The following SGCZ variants were observed in gnomAD, a reference collection of about 807,000 sequenced individuals.
SGCZ encodes the protein sarcoglycan zeta.
A neutral mutation model predicts 41.3 loss-of-function variants in SGCZ; 40 were observed. That is an observed-to-expected ratio of 0.97 (90% CI 0.75 to 1.26). The LOEUF (loss-of-function observed/expected upper bound fraction) is 1.26. Among genes scored for constraint, SGCZ ranks in the 50% most tolerant of loss-of-function variants. The probability of loss-of-function intolerance (pLI) is 0.00; values close to 1 mark genes in which losing one functional copy is unlikely to be tolerated. For synonymous variants in SGCZ, 206 were observed against 137.5 expected (o/e 1.50, Z -3.49); for missense variants, 552 against 369.8 (o/e 1.49, Z -4.04).
intron 1 of SGCZ, among the ~76,000 whole-genome samples, chr8:14,885,991 A>G (rs1199675035): frequency 2.7e-5 from 1 of 37,114 alleles, no homozygotes; most frequent in African/African-American, 9.6e-5. Flanking sequence ...TATGTTATAT[A>G]TATATATATA....
intron 1 of SGCZ, among the ~76,000 whole-genome samples, chr8:15,029,300 T>C (rs1334490552): frequency 2.0e-5 from 3 of 152,042 alleles, no homozygotes; most frequent in African/African-American, 7.2e-5. Flanking sequence ...ATTTTATATA[T>C]AGAAAAAAAC....
At chr8:14,143,213 C>T (rs75274569) in intron 5 of SGCZ, among the ~76,000 whole-genome samples, 38 of 152,198 alleles carry the variant, frequency 2.5e-4, no homozygotes, top group African/African-American at 7.7e-4. Context: ...AAACATTGTA[C>T]GTAATGATGA....
chr8:14,108,045 ATTTAT>A (rs1802259823), intron 6 of SGCZ, 113 bp downstream of exon 6: 1 of 784,876 alleles, frequency 1.3e-6, no homozygotes, highest in South Asian at 2.1e-5. Context: ...TCATTTTTGT[ATTTAT>A]TTTAAGTATA....
At chr8:14,971,375 T>C (rs553469827) in intron 1 of SGCZ, among the ~76,000 whole-genome samples, 1 of 152,268 alleles carries the variant, frequency 6.6e-6, no homozygotes, top group Admixed American at 6.5e-5. Flanking sequence ...GCATTACGTC[T>C]TTCATCTTTA....
chr8:14,610,573 A>G (rs1232650152), intron 1 of SGCZ, among the ~76,000 whole-genome samples: 1 of 152,076 alleles, frequency 6.6e-6, no homozygotes, highest in Non-Finnish European at 1.5e-5. Flanking sequence ...TTCTCCTATT[A>G]ATCTATCTGA....
chr8:14,402,041 A>C (rs1471296856), intron 2 of SGCZ, among the ~76,000 whole-genome samples: 1 of 152,152 alleles, frequency 6.6e-6, no homozygotes, highest in Non-Finnish European at 1.5e-5. Flanking sequence ...ATGGCCATGG[A>C]TGATGAGCAT....
chr8:14,392,477 C>T (rs377278630), intron 2 of SGCZ, among the ~76,000 whole-genome samples: 22 of 152,052 alleles, frequency 1.4e-4, no homozygotes, highest in African/African-American at 2.9e-4. Context: ...AGTAGAAATA[C>T]GGTATTTGCT....
chr8:14,096,483 G>A (rs1184071545), intron 7 of SGCZ, among the ~76,000 whole-genome samples: 1 of 152,156 alleles, frequency 6.6e-6, no homozygotes, highest in Non-Finnish European at 1.5e-5. Context: ...TAAGCTTTTT[G>A]TTGTGCTGCT....
chr8:14,385,603 A>G (rs1441042092), intron 2 of SGCZ, among the ~76,000 whole-genome samples: 1 of 152,254 alleles, frequency 6.6e-6, no homozygotes, highest in African/African-American at 2.4e-5. Flanking sequence ...TCTGACTTTG[A>G]GTGTAGAGAT....
At position 14,972,575 on chromosome 8, in the gene SGCZ, T is replaced by C. The variant is rs569106114; in HGVS notation, c.39+265010A>G. The stretch of plus-strand genomic sequence containing the variant: ...TGTTTTCTATTTGTTCTCTGCTCTT[T>C]TTCTCTTTTTCTTAGTTGGATTAAC... On this transcript the variant is annotated intron_variant, in intron 1 of 7. Coordinates refer to ENST00000382080, the MANE Select transcript of SGCZ (RefSeq NM_139167.4). 3.9e-5 allele frequency among the ~76,000 whole-genome samples: 6 copies of C among 152,306 alleles called. No individual in the cohort carries two copies. The East Asian group carries it at 9.7e-4, about 25-fold the overall frequency.
At chr8:14,842,998 A>G (rs1802978042) in intron 1 of SGCZ, among the ~76,000 whole-genome samples, 1 of 152,204 alleles carries the variant, frequency 6.6e-6, no homozygotes, top group African/African-American at 2.4e-5. Context: ...GGATCTCCTG[A>G]GGTCAAAGGT....
intron 3 of SGCZ, among the ~76,000 whole-genome samples, chr8:14,312,368 G>C (rs768493883): frequency 8.5e-5 from 13 of 152,272 alleles, no homozygotes; most frequent in Non-Finnish European, 1.9e-4. Context: ...TCGTGACTTA[G>C]AGGATTCTAT....
intron 1 of SGCZ, among the ~76,000 whole-genome samples, chr8:15,114,358 T>C (rs1051910678): frequency 6.6e-6 from 1 of 152,224 alleles, no homozygotes; most frequent in African/African-American, 2.4e-5. Flanking sequence ...GTAAAATTGT[T>C]GTATTAGATG....
intron 1 of SGCZ, among the ~76,000 whole-genome samples, chr8:15,101,387 T>C (rs1477655227): frequency 6.6e-6 from 1 of 151,798 alleles, no homozygotes; most frequent in Non-Finnish European, 1.5e-5. Flanking sequence ...ATATTAAAAG[T>C]AAACAACAAG....
intron 1 of SGCZ, among the ~76,000 whole-genome samples, chr8:14,940,920 G>A (rs1408732376): frequency 5.3e-5 from 8 of 151,966 alleles, no homozygotes; most frequent in South Asian, 2.1e-4. Context: ...TACGAAAATG[G>A]CATTCTAGTA....
intron 1 of SGCZ, among the ~76,000 whole-genome samples, chr8:15,121,926 C>T (rs968131150): frequency 1.4e-5 from 2 of 147,228 alleles, no homozygotes; most frequent in African/African-American, 5.0e-5. Context: ...AATAGATATG[C>T]AGACATTTTG....
intron 1 of SGCZ, among the ~76,000 whole-genome samples, chr8:14,945,828 C>A (rs1459529114): frequency 6.6e-6 from 1 of 150,692 alleles, no homozygotes; most frequent in Non-Finnish European, 1.5e-5. Context: ...CCAGTTACCC[C>A]CTCAGGTTCT....
At chr8:14,357,552 A>G (rs1803341823) in intron 2 of SGCZ, among the ~76,000 whole-genome samples, 1 of 152,180 alleles carries the variant, frequency 6.6e-6, no homozygotes, top group South Asian at 2.1e-4. Flanking sequence ...AAGTAACAAA[A>G]TAGGTAAGAC....
rs145007700 is a variant in SGCZ at position 14,369,243 on chromosome 8, T to C, written c.235-45039A>G. On this transcript the variant is annotated intron_variant, in intron 2 of 7. Transcript: ENST00000382080. ...CCAGAATCCAATCCAATCCAATCTATGATCATACATTGCATTTAATTGCCA... is the reference window on the plus strand; with the variant it reads ...CCAGAATCCAATCCAATCCAATCTACGATCATACATTGCATTTAATTGCCA... Among the ~76,000 whole-genome samples the C allele has an allele frequency of 2.5e-3, 380 of 152,150 alleles. 2 individuals carry two copies. Among genetic ancestry groups the C allele is most frequent in the Non-Finnish European group, 4.2e-3 (283 of 67,940 alleles).
Sources: gnomAD v4.1 joint callset for allele counts (sites outside exome capture counted in the v4.1 genomes callset) on GRCh38, gnomAD v4.1.1 for gene constraint, MANE v1.5 for transcripts, NCBI Gene and HGNC (gene_info 2026-07-23, HGNC 2026-07-21) for gene names.